The following SORCS3 variants were observed in gnomAD, a reference collection of about 807,000 sequenced individuals.
SORCS3 encodes VPS10 domain-containing receptor SorCS3.
A neutral mutation model predicts 146.3 loss-of-function variants in SORCS3; 57 were observed. The observed-to-expected ratio is 0.39, with a 90% CI of 0.31 to 0.49. The LOEUF (loss-of-function observed/expected upper bound fraction) is 0.49. Ranked by LOEUF, SORCS3 falls within the 20% of genes least tolerant of loss-of-function variation. SORCS3 has a pLI of 0.92. For missense variants in SORCS3, 1,341 were observed against 1,575.5 expected (o/e 0.85, Z 2.52); for synonymous variants, 653 against 618.5 (o/e 1.06, Z -0.83).
At chr10:104,972,626 GAGAGAGAGAA>G (rs981177941) in intron 3 of SORCS3, among the ~76,000 whole-genome samples, 1 of 151,984 alleles carries the variant, frequency 6.6e-6, no homozygotes, top group African/African-American at 2.4e-5. Flanking sequence ...GGATGGGGGA[GAGAGAGAGAA>G]AGAGAGAGAG....
chr10:104,792,673 A>T (rs1285854970), intron 1 of SORCS3, among the ~76,000 whole-genome samples: 2 of 152,170 alleles, frequency 1.3e-5, no homozygotes, highest in African/African-American at 2.4e-5. Flanking sequence ...CTACTTTACT[A>T]TCATTATTTT....
chr10:104,673,471 C>T (rs1045904314), intron 1 of SORCS3, among the ~76,000 whole-genome samples: 3 of 147,832 alleles, frequency 2.0e-5, no homozygotes, highest in African/African-American at 5.0e-5. Flanking sequence ...GTTGTTTGTT[C>T]ATTTGTTTTT....
At chr10:104,821,243 G>C (rs2017869396) in intron 1 of SORCS3, among the ~76,000 whole-genome samples, 1 of 152,142 alleles carries the variant, frequency 6.6e-6, no homozygotes, top group South Asian at 2.1e-4. Context: ...GGGTGCATCA[G>C]GGTCACATTG....
intron 5 of SORCS3, among the ~76,000 whole-genome samples, chr10:105,085,581 C>T (rs1394045658): frequency 6.6e-6 from 1 of 152,130 alleles, no homozygotes; most frequent in African/African-American, 2.4e-5. Flanking sequence ...TGGTGAGTTG[C>T]ATATATTTAT....
At chr10:104,827,562 C>A in intron 1 of SORCS3, among the ~76,000 whole-genome samples, 1 of 152,188 alleles carries the variant, frequency 6.6e-6, no homozygotes. Context: ...CTTTGTTATT[C>A]CATTTATAGA....
chr10:104,792,709 C>A lies in SORCS3; in HGVS notation c.628-50083C>A, dbSNP rs76899871. Among the ~76,000 whole-genome samples, 25 of 152,170 alleles carry A rather than the reference C, an allele frequency of 1.6e-4. No homozygotes were observed. In the East Asian group the frequency reaches 4.8e-3, roughly 29 times the overall value. On this transcript the variant is annotated intron_variant, in intron 1 of 26. Transcript: ENST00000369701. Reference sequence around the variant, plus strand: ...CTTTGAAAGATTTTTTGAAAGAAGCCTCTTTCATAAAACTTATGACTTGGA... The same window carrying A: ...CTTTGAAAGATTTTTTGAAAGAAGCATCTTTCATAAAACTTATGACTTGGA...
chr10:105,132,895 G>A (rs1465322806), intron 7 of SORCS3, among the ~76,000 whole-genome samples: 4 of 152,172 alleles, frequency 2.6e-5, no homozygotes, highest in Non-Finnish European at 4.4e-5. Context: ...AGGAAAAGTG[G>A]TAATAATCTT....
chr10:104,829,590 C>T (rs1194986316), intron 1 of SORCS3, among the ~76,000 whole-genome samples: 1 of 152,040 alleles, frequency 6.6e-6, no homozygotes, highest in East Asian at 1.9e-4. Context: ...CCTTTTATGC[C>T]ATGAGGAATC....
intron 4 of SORCS3, among the ~76,000 whole-genome samples, chr10:105,041,014 G>T (rs1361266706): frequency 6.8e-6 from 1 of 146,358 alleles, no homozygotes; most frequent in African/African-American, 2.5e-5. Flanking sequence ...TATATATTTA[G>T]CATATTCATT....
intron 20 of SORCS3, among the ~76,000 whole-genome samples, chr10:105,227,464 C>T (rs1427446443): frequency 1.3e-5 from 2 of 152,106 alleles, no homozygotes; most frequent in African/African-American, 4.8e-5. Flanking sequence ...TGTGTCCTAA[C>T]ATATGGTCGA....
At chr10:104,722,033 AG>A (rs1209841744) in intron 1 of SORCS3, among the ~76,000 whole-genome samples, 2 of 152,186 alleles carry the variant, frequency 1.3e-5, no homozygotes, top group Non-Finnish European at 2.9e-5. Flanking sequence ...GAGTGATGAG[AG>A]GGGGCATCCC....
At chr10:105,107,093 C>T (rs1370630523) in intron 7 of SORCS3, among the ~76,000 whole-genome samples, 1 of 152,156 alleles carries the variant, frequency 6.6e-6, no homozygotes, top group African/African-American at 2.4e-5. Flanking sequence ...CATAGACATT[C>T]CACAAGTAAA....
At chr10:104,779,233 T>G (rs1589496062) in intron 1 of SORCS3, among the ~76,000 whole-genome samples, 1 of 152,220 alleles carries the variant, frequency 6.6e-6, no homozygotes, top group Non-Finnish European at 1.5e-5. Flanking sequence ...GACTTTTGAC[T>G]TCTAGAACTG....
chr10:105,197,686 A>G (rs751037372), intron 14 of SORCS3, among the ~76,000 whole-genome samples: 2 of 152,226 alleles, frequency 1.3e-5, no homozygotes, highest in Admixed American at 6.5e-5. Flanking sequence ...CCTGAAAAGT[A>G]CCAAGCCCCA....
At chr10:105,044,000 A>C (rs2133705085) in intron 5 of SORCS3, among the ~76,000 whole-genome samples, 1 of 152,248 alleles carries the variant, frequency 6.6e-6, no homozygotes, top group African/African-American at 2.4e-5. Context: ...TTTTAGCAGA[A>C]GTGATGGCTA....
chr10:105,163,758 ATCT>A (rs1019544972), intron 11 of SORCS3, among the ~76,000 whole-genome samples: 1 of 152,134 alleles, frequency 6.6e-6, no homozygotes, highest in Non-Finnish European at 1.5e-5. Context: ...GAGTGTGGTC[ATCT>A]TCTTCTGGGC....
At chr10:104,744,104 G>T (rs2016881215) in intron 1 of SORCS3, among the ~76,000 whole-genome samples, 1 of 152,112 alleles carries the variant, frequency 6.6e-6, no homozygotes, top group Admixed American at 6.5e-5. Context: ...AACTCGGTGG[G>T]CTTGCCCATG....
chr10:105,100,258 G>A (rs1301251802), intron 6 of SORCS3, among the ~76,000 whole-genome samples: 1 of 152,134 alleles, frequency 6.6e-6, no homozygotes, highest in African/African-American at 2.4e-5. Flanking sequence ...AATATATTAG[G>A]AAGACATTTT....
chr10:104,722,846 G>A (rs1041943060), intron 1 of SORCS3, among the ~76,000 whole-genome samples: 1 of 152,010 alleles, frequency 6.6e-6, no homozygotes, highest in Non-Finnish European at 1.5e-5. Flanking sequence ...ATTTTTTATT[G>A]CGTCTATTTG....
Sources: gnomAD v4.1 joint callset for allele counts (sites outside exome capture counted in the v4.1 genomes callset) on GRCh38, gnomAD v4.1.1 for gene constraint, MANE v1.5 for transcripts, NCBI Gene and HGNC (gene_info 2026-07-23, HGNC 2026-07-21) for gene names.